The following GBF1 variants were observed in gnomAD, a reference collection of about 807,000 sequenced individuals.
GBF1 encodes the protein golgi brefeldin A resistant guanine nucleotide exchange factor 1.
Under a neutral mutation model 210.5 loss-of-function variants are expected in GBF1, and 114 were observed. The ratio of observed to expected loss-of-function variants is 0.54; its 90% CI spans 0.47 to 0.63. The LOEUF (loss-of-function observed/expected upper bound fraction) is 0.63. Ranked by LOEUF, GBF1 falls within the 30% of genes least tolerant of loss-of-function variation. The pLI is 0.00. For synonymous variants in GBF1, 850 were observed against 889.2 expected (o/e 0.96, Z 0.78); for missense variants, 1,851 against 2,357.7 (o/e 0.79, Z 4.45).
intron 28 of GBF1, 108 bp from the exon 29 acceptor site, chr10:102,370,599 A>G: frequency 7.6e-7 from 1 of 1,316,658 alleles, no homozygotes; most frequent in Non-Finnish European, 1.1e-6. Context: ...TACTCATCAT[A>G]CCTGTCTACT....
intron 1 of GBF1, among the ~76,000 whole-genome samples, chr10:102,257,513 A>G (rs888932528): frequency 2.6e-4 from 40 of 151,946 alleles, no homozygotes; most frequent in Middle Eastern, 3.4e-3. Context: ...ACTGGGTCTC[A>G]CTGTTTGCCC....
chr10:102,259,655 G>A (rs999435798), intron 2 of GBF1, among the ~76,000 whole-genome samples: 1 of 152,148 alleles, frequency 6.6e-6, no homozygotes, highest in Non-Finnish European at 1.5e-5. Context: ...AATTTCTCAA[G>A]TTCTTTCATA....
intron 1 of GBF1, among the ~76,000 whole-genome samples, chr10:102,257,529 G>T (rs959984357): frequency 6.6e-6 from 1 of 151,942 alleles, no homozygotes; most frequent in African/African-American, 2.4e-5. Context: ...TGCCCAGGCT[G>T]GTCTCAACTC....
chr10:102,318,553 C>T (rs1029190137), intron 3 of GBF1, among the ~76,000 whole-genome samples: 32 of 152,174 alleles, frequency 2.1e-4, no homozygotes, highest in Admixed American at 1.2e-3. Context: ...TCTTGGTACA[C>T]GATTTTTTGC....
chr10:102,279,258 A>G (rs1176913774), intron 3 of GBF1, among the ~76,000 whole-genome samples: 2 of 152,208 alleles, frequency 1.3e-5, no homozygotes, highest in African/African-American at 4.8e-5. Flanking sequence ...GGAACTTGGT[A>G]ATTTCCTAGA....
chr10:102,251,474 CT>C (rs1246449116), intron 1 of GBF1, among the ~76,000 whole-genome samples: 12 of 152,234 alleles, frequency 7.9e-5, no homozygotes, highest in African/African-American at 2.9e-4. Flanking sequence ...GTCTTTCCCC[CT>C]GAGATAGAGC....
chr10:102,260,904 T>C (rs1447096870), intron 3 of GBF1, among the ~76,000 whole-genome samples: 1 of 152,160 alleles, frequency 6.6e-6, no homozygotes, highest in Non-Finnish European at 1.5e-5. Flanking sequence ...CTAGAATCAT[T>C]TGTCCCTTTG....
rs762978813 is a variant in GBF1, at chr10:102,382,264, G to A, written c.5511G>A (p.Glu1837=). 1 of 1,613,968 alleles carries A rather than the reference G, an allele frequency of 6.2e-7. No individual in the cohort carries two copies. The highest frequency in any genetic ancestry group is 8.5e-7 in the Non-Finnish European group (1 of 1,179,932). The change falls in exon 40 of 40, where the codon GAG becomes GAA. Residue 1837 remains glutamate (E), a synonymous_variant. Transcript: ENST00000369983. ...LPIILNPALI[E]ATSPVPLLAT... is the part of the protein sequence containing the mutation. ...TCATCCTCAACCCTGCGCTCATCGAGGCCACCTCACCAGTGCCCCTCCTGG... is the reference window on the plus strand; with the variant it reads ...TCATCCTCAACCCTGCGCTCATCGAAGCCACCTCACCAGTGCCCCTCCTGG...
At chr10:102,330,559 C>T (rs545033099) in intron 3 of GBF1, among the ~76,000 whole-genome samples, 7 of 152,004 alleles carry the variant, frequency 4.6e-5, no homozygotes, top group African/African-American at 1.7e-4. Flanking sequence ...TAGTACACGC[C>T]TGTAATCCCA....
At chr10:102,292,995 G>T (rs538319807) in intron 3 of GBF1, among the ~76,000 whole-genome samples, 2 of 151,990 alleles carry the variant, frequency 1.3e-5, no homozygotes, top group Non-Finnish European at 2.9e-5. Flanking sequence ...CAAAATCTTC[G>T]TATTTCTTTA....
intron 3 of GBF1, among the ~76,000 whole-genome samples, chr10:102,279,423 T>C (rs1231507314): frequency 6.6e-6 from 1 of 152,214 alleles, no homozygotes; most frequent in East Asian, 1.9e-4. Flanking sequence ...AATTCATCAT[T>C]ATATTTCAGC....
At chr10:102,346,084 AT>A (rs398114698) in intron 4 of GBF1, among the ~76,000 whole-genome samples, 8 of 148,834 alleles carry the variant, frequency 5.4e-5, no homozygotes, top group African/African-American at 1.9e-4. Context: ...CTTATTAATA[AT>A]TTTTTTAATT....
chr10:102,304,826 C>T (rs1051042517), intron 3 of GBF1, among the ~76,000 whole-genome samples: 1 of 151,480 alleles, frequency 6.6e-6, no homozygotes, highest in South Asian at 2.1e-4. Flanking sequence ...AAAAGTTCTT[C>T]CTTATGTAGT....
chr10:102,315,750 T>TAATGGGCCA (rs2078876176), intron 3 of GBF1, among the ~76,000 whole-genome samples: 1 of 152,154 alleles, frequency 6.6e-6, no homozygotes, highest in Non-Finnish European at 1.5e-5. Context: ...GCCTGGTTCC[T>TAATGGGCCA]AATGGGCCAC....
chr10:102,366,256 T>G lies in GBF1; in HGVS notation c.2310-127T>G, dbSNP rs2059906285. 2.3e-5 allele frequency: 20 copies of G among 878,402 alleles called. 1 individual carries two copies. The South Asian group carries it at 3.1e-4, about 13-fold the overall frequency. The allele number at this position is 878,402 out of a possible 1,614,324, so 54.4% of individuals were successfully genotyped here. A position where few individuals can be genotyped will look rare whatever the true frequency, so the allele number is the denominator to read the frequency against. On this transcript the variant is annotated intron_variant, in intron 18 of 39. Coordinates refer to ENST00000369983, the MANE Select transcript of GBF1 (RefSeq NM_001377137.1). The surrounding 1 kb of genome is among the most constrained non-coding windows in gnomAD (Gnocchi z 4.0). ...TGTGTTAGGGATGAACAGGAGATAC[T>G]GCCCCTTTACTAGAGACCTCAGCCT... is the stretch of plus-strand genomic sequence containing the variant.
At chr10:102,261,232 T>C (rs2073168559) in intron 3 of GBF1, among the ~76,000 whole-genome samples, 1 of 54,168 alleles carries the variant, frequency 1.8e-5, no homozygotes, top group Admixed American at 2.1e-4. Context: ...AAGTACCTTA[T>C]ATTTGTGTGT....
intron 3 of GBF1, among the ~76,000 whole-genome samples, chr10:102,325,860 G>A (rs1461357845): frequency 1.3e-5 from 2 of 152,146 alleles, no homozygotes; most frequent in Admixed American, 1.3e-4. Context: ...ATGTTGGCGA[G>A]GCTGGTCTTG....
chr10:102,231,997 G>C, the GBF1 span: 231 of 1,610,696 alleles, frequency 1.4e-4, no homozygotes, highest in Non-Finnish European at 3.6e-5. Flanking sequence ...CGTGCTCTGG[G>C]AGCTGGGGGT....
intron 1 of GBF1, among the ~76,000 whole-genome samples, chr10:102,255,418 G>T (rs117596204): frequency 1.3e-5 from 2 of 152,200 alleles, no homozygotes; most frequent in Non-Finnish European, 2.9e-5. Flanking sequence ...TTTCTAAAGG[G>T]CTTATTCATT....
Sources: gnomAD v4.1 joint callset for allele counts (sites outside exome capture counted in the v4.1 genomes callset) on GRCh38, gnomAD v4.1.1 for gene constraint, Gnocchi (gnomAD v3.1) non-coding constraint, MANE v1.5 for transcripts, NCBI Gene and HGNC (gene_info 2026-07-23, HGNC 2026-07-21) for gene names.